The following ARHGEF26 variants were observed in gnomAD, a reference collection of about 807,000 sequenced individuals.
ARHGEF26 encodes the protein Rho guanine nucleotide exchange factor (GEF) 26.
Under a neutral mutation model 89.4 loss-of-function variants are expected in ARHGEF26, and 59 were observed. The observed-to-expected ratio is 0.66, with a 90% CI of 0.54 to 0.82. ARHGEF26 has a LOEUF of 0.82. Ranked by LOEUF, ARHGEF26 falls within the 40% of genes least tolerant of loss-of-function variation. The pLI is 0.00. For synonymous variants in ARHGEF26, 500 were observed against 428.4 expected, an observed-to-expected ratio of 1.17 and a Z score of -2.06; for missense variants, 1,234 against 1,085.6, an observed-to-expected ratio of 1.14 and a Z score of -1.92.
intron 3 of ARHGEF26, among the ~76,000 whole-genome samples, chr3:154,126,201 A>G (rs1718321361): frequency 6.6e-6 from 1 of 152,200 alleles, no homozygotes; most frequent in African/African-American, 2.4e-5. Flanking sequence ...CTCCAGTGTT[A>G]CTTTAGTCAT....
intron 4 of ARHGEF26, among the ~76,000 whole-genome samples, chr3:154,145,653 C>T (rs533108053): frequency 1.1e-3 from 174 of 152,224 alleles, no homozygotes; most frequent in African/African-American, 4.0e-3. Flanking sequence ...GAAACACTAT[C>T]GAGTCATGGA....
At chr3:154,246,288 T>C (rs1717798130) in intron 12 of ARHGEF26, among the ~76,000 whole-genome samples, 1 of 152,120 alleles carries the variant, frequency 6.6e-6, no homozygotes, top group South Asian at 2.1e-4. Flanking sequence ...GAAACGAATT[T>C]AGTGTTCTCA....
At chr3:154,139,043 G>A (rs1325000501) in intron 4 of ARHGEF26, among the ~76,000 whole-genome samples, 3 of 152,176 alleles carry the variant, frequency 2.0e-5, no homozygotes, top group African/African-American at 4.8e-5. Context: ...GGTGTCAGAG[G>A]AGGTAATGTG....
rs765908601 is a variant in ARHGEF26, at chr3:154,194,723, CTG to C, written c.1845+7_1845+8del. Reference sequence around the variant, plus strand: ...GCCTTGAAGGAAGTTAGCAAGGTAACTGTTGGGTGACAGTTTGTTTGTAAGAC... The same window carrying C: ...GCCTTGAAGGAAGTTAGCAAGGTAACTTGGGTGACAGTTTGTTTGTAAGAC... On this transcript the variant is annotated splice_donor_region_variant and intron_variant, in intron 9 of 14. Coordinates refer to ENST00000465093, the MANE Select transcript of ARHGEF26 (RefSeq NM_015595.4). 3 of 1,609,856 alleles carry C rather than the reference CTG, an allele frequency of 1.9e-6. No homozygotes were observed. The African/African-American group carries it at 4.0e-5, about 21-fold the overall frequency.
At chr3:154,167,318 C>T (rs2108130595) in intron 6 of ARHGEF26, among the ~76,000 whole-genome samples, 1 of 152,272 alleles carries the variant, frequency 6.6e-6, no homozygotes, top group Middle Eastern at 3.4e-3. Flanking sequence ...GTGGGATAAA[C>T]ACACACAGAA....
chr3:154,154,940 G>T (rs1720239084), intron 6 of ARHGEF26, among the ~76,000 whole-genome samples: 1 of 151,838 alleles, frequency 6.6e-6, no homozygotes, highest in Non-Finnish European at 1.5e-5. Context: ...CTAGAATTAG[G>T]ATTGCTAGAT....
At chr3:154,255,001 TC>T (rs945871821) in intron 14 of ARHGEF26, among the ~76,000 whole-genome samples, 177 bp downstream of exon 14, 71 of 152,272 alleles carry the variant, frequency 4.7e-4, no homozygotes, top group African/African-American at 1.5e-3. Context: ...TTTTCTTTTT[TC>T]CCCAGTCCCT....
rs1417007288 is a variant in ARHGEF26 at position 154,165,018 on chromosome 3, T to G, written c.1487+12086T>G. On this transcript the variant is annotated intron_variant, in intron 6 of 14. Transcript: ENST00000465093. ...TTTTTAGGAAGACTGGTTTAAAAAATGTATGTCACAGGTATAGATTTAATT... is the reference window on the plus strand; with the variant it reads ...TTTTTAGGAAGACTGGTTTAAAAAAGGTATGTCACAGGTATAGATTTAATT... Among the ~76,000 whole-genome samples, 5 of 152,264 alleles carry G rather than the reference T, an allele frequency of 3.3e-5. No homozygotes were observed. The South Asian group carries it at 8.3e-4, about 25-fold the overall frequency.
intron 9 of ARHGEF26, among the ~76,000 whole-genome samples, chr3:154,199,542 C>T (rs1351781495): frequency 6.6e-6 from 1 of 152,008 alleles, no homozygotes; most frequent in Non-Finnish European, 1.5e-5. Flanking sequence ...GCAGATATCT[C>T]TTTGATATAC....
chr3:154,249,938 G>A (rs1366758575), intron 12 of ARHGEF26, among the ~76,000 whole-genome samples: 2 of 152,144 alleles, frequency 1.3e-5, no homozygotes, highest in Admixed American at 6.5e-5. Flanking sequence ...TCTATGCCCT[G>A]GTTTTTCCTG....
chr3:154,236,692 C>T (rs73875331), intron 11 of ARHGEF26, among the ~76,000 whole-genome samples: 1,750 of 152,228 alleles, frequency 0.011, 31 homozygotes, highest in African/African-American at 0.04. Context: ...AGATGGGAAA[C>T]GGGCTTTAAA....
intron 4 of ARHGEF26, among the ~76,000 whole-genome samples, chr3:154,147,813 T>C (rs1719787940): frequency 6.6e-6 from 1 of 152,102 alleles, no homozygotes; most frequent in Admixed American, 6.5e-5. Flanking sequence ...CTCCCTCCCT[T>C]CCTCTCTGCC....
chr3:154,254,812 C>T lies in ARHGEF26; in HGVS notation c.2461C>T (p.Arg821Cys), dbSNP rs747928374. The T allele has an allele frequency of 1.3e-5, 21 of 1,613,524 alleles. No individual in the cohort carries two copies. The highest frequency in any genetic ancestry group is 5.5e-5 in the South Asian group (5 of 91,078). The change falls in exon 14 of 15, where the codon CGT becomes TGT. Residue 821 changes from arginine to cysteine, a missense_variant. Coordinates refer to ENST00000465093, the MANE Select transcript of ARHGEF26 (RefSeq NM_015595.4). ...GGCTGACGTCGTCCTCATCTATCAA[C>T]GTGTCAGCGATGGTGAGTGGGAGCG... ...QVADVVLIYQ[R>C]VSDGWYEGER... is the part of the protein sequence containing the mutation.
chr3:154,180,300 A>G (rs1368621312), intron 6 of ARHGEF26, among the ~76,000 whole-genome samples: 1 of 152,164 alleles, frequency 6.6e-6, no homozygotes, highest in East Asian at 1.9e-4. Flanking sequence ...ATGGACATGT[A>G]CATGGCCATC....
intron 6 of ARHGEF26, among the ~76,000 whole-genome samples, chr3:154,170,198 C>CA (rs746836122): frequency 6.6e-6 from 1 of 151,924 alleles, no homozygotes; most frequent in Non-Finnish European, 1.5e-5. Context: ...CCCATCTCTA[C>CA]AAAAAATACA....
chr3:154,225,168 G>A (rs1283384113), intron 10 of ARHGEF26, among the ~76,000 whole-genome samples: 1 of 152,010 alleles, frequency 6.6e-6, no homozygotes, highest in African/African-American at 2.4e-5. Context: ...TAATTTTTTG[G>A]ATACAGCCTT....
intron 4 of ARHGEF26, among the ~76,000 whole-genome samples, chr3:154,130,374 C>T (rs1185986010): frequency 6.6e-6 from 1 of 152,076 alleles, no homozygotes; most frequent in East Asian, 1.9e-4. Context: ...TTCCTGCCCT[C>T]TAGTGATCCG....
chr3:154,178,645 G>A (rs1228218906), intron 6 of ARHGEF26, among the ~76,000 whole-genome samples: 1 of 152,128 alleles, frequency 6.6e-6, no homozygotes, highest in East Asian at 1.9e-4. Context: ...ATTAATTGAT[G>A]GATATTGGGT....
At chr3:154,121,841 C>A in intron 1 of ARHGEF26, 101 bp from the exon 2 acceptor site, 2 of 1,078,836 alleles carry the variant, frequency 1.9e-6, no homozygotes, top group Non-Finnish European at 2.6e-6. Flanking sequence ...GCAGTCGTGT[C>A]CTGCGCAGCA....
Sources: allele counts gnomAD v4.1 joint callset (sites outside exome capture counted in the v4.1 genomes callset), GRCh38; gene constraint gnomAD v4.1.1; transcripts MANE v1.5; gene names NCBI Gene and HGNC (gene_info 2026-07-23, HGNC 2026-07-21).